Variants in NFIA observed in about 807,000 individuals in gnomAD.
NFIA encodes nuclear factor I A.
A neutral mutation model predicts 62.8 loss-of-function variants in NFIA; 8 were observed. The observed-to-expected ratio is 0.13, with a 90% confidence interval of 0.07 to 0.23. The LOEUF (loss-of-function observed/expected upper bound fraction) is 0.23, where lower values mean the gene tolerates loss of function less well. Among genes scored for constraint, NFIA ranks in the 10% least tolerant of loss-of-function variants. The probability of loss-of-function intolerance (pLI) is 1.00; values close to 1 mark genes in which losing one functional copy is unlikely to be tolerated. For synonymous variants in NFIA, 235 were observed against 238.1 expected, an observed-to-expected ratio of 0.99 and a Z score of 0.12; for missense variants, 410 against 642.1, an observed-to-expected ratio of 0.64 and a Z score of 3.91.
Position 61,426,629 on chromosome 1 carries a change from T to TG in NFIA, c.1512+74dup, listed in dbSNP as rs5774558. Reference sequence around the variant, plus strand: ...ATCAGGTGCATTTTAACTTGTCTTTTGCACAAAAGGCCACATTTTCCAGAC... The same window carrying TG: ...ATCAGGTGCATTTTAACTTGTCTTTTGGCACAAAAGGCCACATTTTCCAGAC... On this transcript the variant is annotated intron_variant, in intron 10 of 10. Transcript: ENST00000403491. 1,253,561 of 1,253,580 alleles carry TG rather than the reference T, an allele frequency of 1. 626,771 individuals are homozygous for TG. The highest frequency in any genetic ancestry group is 1 in the Middle Eastern group (5,422 of 5,422). The allele number at this position is 1,253,580 out of a possible 1,614,324, so 77.7% of individuals were successfully genotyped here. A position where few individuals can be genotyped will look rare whatever the true frequency, so the allele number is the denominator to read the frequency against.
intron 2 of NFIA, among the ~76,000 whole-genome samples, chr1:61,130,689 G>A (rs1293679776): frequency 2.6e-5 from 4 of 152,156 alleles, no homozygotes; most frequent in African/African-American, 7.2e-5. Flanking sequence ...GGGGGCGTAC[G>A]TTTCTGTAGC....
chr1:61,235,516 TA>T (rs200539366), intron 2 of NFIA, among the ~76,000 whole-genome samples: 11,498 of 142,602 alleles, frequency 0.081, 700 homozygotes, highest in East Asian at 0.34. Flanking sequence ...AAATAAAAAA[TA>T]AAAAAAAATG....
chr1:61,237,208 C>T lies in NFIA; in HGVS notation c.560-40312C>T, dbSNP rs148543845. On this transcript the variant is annotated intron_variant, in intron 2 of 10. Transcript: ENST00000403491. ...TATCTCTCATTTGCATTATTGAGAA[C>T]ATCAAACTTACATAGCCATGTCGCA... 1.4e-3 allele frequency among the ~76,000 whole-genome samples: 219 copies of T among 152,312 alleles called. 2 individuals carry two copies. The highest frequency in any genetic ancestry group is 4.8e-3 in the African/African-American group (201 of 41,554).
intron 5 of NFIA, among the ~76,000 whole-genome samples, chr1:61,358,737 T>C (rs1201458189): frequency 6.6e-6 from 1 of 152,150 alleles, no homozygotes; most frequent in Non-Finnish European, 1.5e-5. Context: ...TTATCCTTTC[T>C]GAGGTTCCAG....
intron 2 of NFIA, among the ~76,000 whole-genome samples, chr1:61,277,271 A>G (rs1657858860): frequency 6.6e-6 from 1 of 152,192 alleles, no homozygotes; most frequent in Non-Finnish European, 1.5e-5. Flanking sequence ...TCAAGTTGTG[A>G]TCTGGCAAAA....
At chr1:61,077,890 C>T (rs1266218521), upstream of NFIA, among the ~76,000 whole-genome samples, 2 of 145,016 alleles carry the variant, frequency 1.4e-5, no homozygotes, top group African/African-American at 5.1e-5. Flanking sequence ...AATTGCTGAG[C>T]TTGACAGATT....
At position 61,460,954 on chromosome 1, in the gene NFIA, A is replaced by G. The variant is rs138021781; in HGVS notation, c.*5634A>G. 3 of 152,066 alleles carry G rather than the reference A, an allele frequency of 2.0e-5. No homozygotes were observed. Among genetic ancestry groups the G allele is most frequent in the African/African-American group, 7.2e-5 (3 of 41,394 alleles). The allele number at this position is 152,066 out of a possible 1,614,324, so 9.4% of individuals were successfully genotyped here. A position where few individuals can be genotyped will look rare whatever the true frequency, so the allele number is the denominator to read the frequency against. The stretch of plus-strand genomic sequence containing the variant: ...TCTTTTCTTGATTTCGGCTGTTTTC[A>G]GTATTTTGGAGGTATACATTTACTT... On this transcript the variant is annotated 3_prime_UTR_variant, in exon 11 of 11. Coordinates refer to ENST00000403491, the MANE Select transcript of NFIA (RefSeq NM_001134673.4).
chr1:61,390,547 G>T (rs1664921561), intron 7 of NFIA, among the ~76,000 whole-genome samples: 1 of 152,152 alleles, frequency 6.6e-6, no homozygotes, highest in Non-Finnish European at 1.5e-5. Context: ...TAGGGATCTT[G>T]CTCTCAGTGA....
At chr1:61,328,636 C>G (rs892614706) in intron 3 of NFIA, among the ~76,000 whole-genome samples, 2 of 151,840 alleles carry the variant, frequency 1.3e-5, no homozygotes, top group Admixed American at 1.3e-4. Flanking sequence ...TCAGGCTGGT[C>G]TCTAACTCCC....
chr1:61,360,304 G>A (rs562093513), intron 6 of NFIA, among the ~76,000 whole-genome samples: 30 of 152,260 alleles, frequency 2.0e-4, no homozygotes, highest in South Asian at 1.0e-3. Flanking sequence ...CCTGAATATG[G>A]CAAGTCCAAT....
chr1:61,433,295 C>T (rs1009514876), intron 10 of NFIA, among the ~76,000 whole-genome samples: 3 of 152,168 alleles, frequency 2.0e-5, no homozygotes, highest in South Asian at 2.1e-4. Flanking sequence ...AAGACCTTTA[C>T]TAATGATATT....
chr1:61,376,551 A>G (rs925095100), intron 6 of NFIA, among the ~76,000 whole-genome samples: 1 of 152,204 alleles, frequency 6.6e-6, no homozygotes, highest in Non-Finnish European at 1.5e-5. Flanking sequence ...ATCCTTACTA[A>G]GGCCAAGAGA....
At chr1:61,232,406 A>G (rs902447217) in intron 2 of NFIA, among the ~76,000 whole-genome samples, 1 of 152,364 alleles carries the variant, frequency 6.6e-6, no homozygotes, top group Non-Finnish European at 1.5e-5. Flanking sequence ...TAGCAATATT[A>G]CATAAAAGTT....
Position 61,332,549 on chromosome 1 carries a change from T to G in NFIA, c.663T>G (p.Gly221=). Residue 221 remains glycine (G), a synonymous_variant, in exon 4 of 11, where the codon GGT becomes GGG. Transcript: ENST00000403491. ...TCCAGGACAGTTTTGTCACATCAGG[T>G]GTTTTTAGTGTCACTGAGCTAGTAA... ...LGFQDSFVTS[G]VFSVTELVRV... The G allele has an allele frequency of 6.2e-7, 1 of 1,614,066 alleles. No homozygotes were observed. Among genetic ancestry groups the G allele is most frequent in the Non-Finnish European group, 8.5e-7 (1 of 1,179,950 alleles).
intron 7 of NFIA, among the ~76,000 whole-genome samples, chr1:61,387,474 T>TTTTTTTG (rs1557749325): frequency 3.6e-5 from 4 of 111,518 alleles, no homozygotes; most frequent in South Asian, 3.5e-4. Context: ...CTTTCTTTTT[T>TTTTTTTG]TTTTTTTTTT....
chr1:61,206,012 C>T (rs1272578889), intron 2 of NFIA, among the ~76,000 whole-genome samples: 2 of 149,978 alleles, frequency 1.3e-5, no homozygotes, highest in Non-Finnish European at 3.0e-5. Context: ...ACCTCCCTGG[C>T]TCAACTGATC....
chr1:61,227,883 A>G (rs1654428397), intron 2 of NFIA, among the ~76,000 whole-genome samples: 1 of 152,210 alleles, frequency 6.6e-6, no homozygotes, highest in Admixed American at 6.5e-5. Context: ...AGCTGTGAAT[A>G]TTTAAGCCTA....
At chr1:61,411,659 A>T (rs917126152) in intron 9 of NFIA, among the ~76,000 whole-genome samples, 6 of 152,006 alleles carry the variant, frequency 3.9e-5, no homozygotes, top group African/African-American at 1.4e-4. Flanking sequence ...CAAAATAGTG[A>T]GTACGAAAGG....
At chr1:61,127,058 G>A (rs1026932445) in intron 2 of NFIA, among the ~76,000 whole-genome samples, 9 of 148,030 alleles carry the variant, frequency 6.1e-5, no homozygotes, top group African/African-American at 2.0e-4. Flanking sequence ...CCAAAGCGCT[G>A]AGATTAAAAT....
Sources: allele counts gnomAD v4.1 joint callset (sites outside exome capture counted in the v4.1 genomes callset), GRCh38; gene constraint gnomAD v4.1.1; transcripts MANE v1.5; gene names NCBI Gene and HGNC (gene_info 2026-07-23, HGNC 2026-07-21).